NCOA1: variants seen among roughly 807,000 people sequenced by gnomAD.
NCOA1 encodes the protein nuclear receptor coactivator 1.
In NCOA1, 35 loss-of-function variants were observed where a neutral mutation model predicts 150.9. The ratio of observed to expected loss-of-function variants is 0.23; its 90% CI spans 0.18 to 0.31. The LOEUF (loss-of-function observed/expected upper bound fraction) is 0.31. Among genes scored for constraint, NCOA1 ranks in the 10% least tolerant of loss-of-function variants. The probability of loss-of-function intolerance (pLI) is 1.00; values close to 1 mark genes in which losing one functional copy is unlikely to be tolerated. For synonymous variants in NCOA1, 590 were observed against 630.0 expected, an observed-to-expected ratio of 0.94 and a Z score of 0.95; for missense variants, 1,491 against 1,749.3, an observed-to-expected ratio of 0.85 and a Z score of 2.63.
intron 15 of NCOA1, 65 bp from the exon 16 acceptor site, chr2:24,728,243 A>G (rs551889269): frequency 1.3e-4 from 184 of 1,433,312 alleles, no homozygotes; most frequent in Non-Finnish European, 1.6e-4. Flanking sequence ...CTATATATGT[A>G]TATAAAGATT....
In NCOA1 at chr2:24,727,080, G is replaced by T. The variant is rs918233406; in HGVS notation, c.2717+374G>T. On this transcript the variant is annotated intron_variant, in intron 15 of 22. Coordinates refer to ENST00000348332, the MANE Select transcript of NCOA1 (RefSeq NM_003743.5). The stretch of plus-strand genomic sequence containing the variant: ...TTGAACCCAGGAGGTGGAGGTTGCA[G>T]TGAGCCAAGATTGCGCCATTGCACT... Among the ~76,000 whole-genome samples, 11 of 147,538 alleles carry T rather than the reference G, an allele frequency of 7.5e-5. No individual in the cohort carries two copies. The East Asian group carries it at 2.3e-3, about 31-fold the overall frequency.
chr2:24,612,163 T>A (rs1333406793), intron 3 of NCOA1, among the ~76,000 whole-genome samples: 1 of 152,202 alleles, frequency 6.6e-6, no homozygotes, highest in East Asian at 1.9e-4. Flanking sequence ...ATTTCTTCTT[T>A]GCTTATGAAG....
intron 3 of NCOA1, among the ~76,000 whole-genome samples, chr2:24,622,155 G>A (rs567600231): frequency 2.0e-5 from 3 of 152,314 alleles, no homozygotes; most frequent in East Asian, 3.9e-4. Context: ...TAGTATACAG[G>A]AATTTGACCT....
At chr2:24,674,151 G>GTGTGTGTGTATA (rs141963010) in intron 7 of NCOA1, among the ~76,000 whole-genome samples, 9 of 145,172 alleles carry the variant, frequency 6.2e-5, no homozygotes, top group Non-Finnish European at 8.9e-5. Flanking sequence ...GTGTGTGTGT[G>GTGTGTGTGTATA]TATATATTTC....
At chr2:24,553,394 T>A (rs997202033) in intron 1 of NCOA1, among the ~76,000 whole-genome samples, 13 of 152,102 alleles carry the variant, frequency 8.5e-5, no homozygotes, top group African/African-American at 3.1e-4. Context: ...AATTTTTGTA[T>A]TTTTAGTAGA....
intron 3 of NCOA1, among the ~76,000 whole-genome samples, chr2:24,603,347 G>C (rs1269564014): frequency 6.6e-6 from 1 of 152,146 alleles, no homozygotes; most frequent in African/African-American, 2.4e-5. Context: ...GAATGCTTGT[G>C]GCAATTTCTT....
chr2:24,534,362 A>T (rs1243694675), intron 1 of NCOA1, among the ~76,000 whole-genome samples: 21 of 149,958 alleles, frequency 1.4e-4, no homozygotes, highest in African/African-American at 4.4e-4. Context: ...TTGCTAGAGG[A>T]CTATCAATTT....
chr2:24,574,788 C>CCCCCTTCCA (rs1185204027), intron 2 of NCOA1, among the ~76,000 whole-genome samples: 7 of 151,976 alleles, frequency 4.6e-5, no homozygotes, highest in Non-Finnish European at 1.0e-4. Flanking sequence ...GACAGGTTCC[C>CCCCCTTCCA]CCCCTTCCAA....
rs75215073 is a variant in NCOA1 at position 24,538,426 on chromosome 2, A to G, written c.-395-25869A>G. On this transcript the variant is annotated intron_variant, in intron 1 of 22. Coordinates refer to ENST00000348332, the MANE Select transcript of NCOA1 (RefSeq NM_003743.5). ...CAATAGAGTAAGTCATTGAAATTGA[A>G]TGAACTTTTGTAACGGGAATCAGAA... Among the ~76,000 whole-genome samples the G allele has an allele frequency of 8.4e-3, 1,277 of 152,328 alleles. 15 individuals are homozygous for G. Among genetic ancestry groups the G allele is most frequent in the African/African-American group, 0.029 (1,213 of 41,572 alleles).
intron 1 of NCOA1, among the ~76,000 whole-genome samples, chr2:24,524,834 T>C (rs932977466): frequency 6.6e-6 from 1 of 152,120 alleles, no homozygotes; most frequent in African/African-American, 2.4e-5. Context: ...GGTCTTGAAC[T>C]CCCAACCTCA....
rs70947837 is a variant in NCOA1, at chr2:24,690,651, C to CAAAAAAAAAAAAAAA, written c.533-817_533-803dup. ...TGGGTGACAAAGTGAGATTCCATCT[C>CAAAAAAAAAAAAAAA]AAAAAAAAAAAAAAAAAAAAAAAAA... On this transcript the variant is annotated intron_variant, in intron 8 of 22. Coordinates refer to ENST00000348332, the MANE Select transcript of NCOA1 (RefSeq NM_003743.5). Among the ~76,000 whole-genome samples the CAAAAAAAAAAAAAAA allele has an allele frequency of 4.2e-4, 16 of 38,440 alleles. 1 individual carries two copies. Among genetic ancestry groups the CAAAAAAAAAAAAAAA allele is most frequent in the Non-Finnish European group, 5.8e-4 (14 of 23,998 alleles). The allele number at this position is 38,440 out of a possible 152,430, so 25.2% of individuals were successfully genotyped here.
At chr2:24,578,111 A>G (rs1025004305) in intron 2 of NCOA1, among the ~76,000 whole-genome samples, 1 of 152,128 alleles carries the variant, frequency 6.6e-6, no homozygotes, top group African/African-American at 2.4e-5. Context: ...TGATACTTCT[A>G]GTTTCAGAAA....
intron 1 of NCOA1, among the ~76,000 whole-genome samples, chr2:24,547,689 T>TA (rs61155885): frequency 0.57 from 86,196 of 151,408 alleles, 25,146 homozygotes; most frequent in Admixed American, 0.7. Flanking sequence ...ATGAGATTGT[T>TA]AAAAAAAAGG....
At chr2:24,740,961 C>G (rs1663571390) in intron 18 of NCOA1, among the ~76,000 whole-genome samples, 1 of 152,162 alleles carries the variant, frequency 6.6e-6, no homozygotes, top group Non-Finnish European at 1.5e-5. Context: ...CCACTTCTTT[C>G]CTCATCCATA....
At chr2:24,522,873 A>C (rs1664474284) in intron 1 of NCOA1, among the ~76,000 whole-genome samples, 1 of 152,206 alleles carries the variant, frequency 6.6e-6, no homozygotes, top group South Asian at 2.1e-4. Flanking sequence ...CATTTGTCTT[A>C]AAGTTTGTAG....
intron 3 of NCOA1, among the ~76,000 whole-genome samples, chr2:24,604,614 C>T (rs1367380319): frequency 6.6e-6 from 1 of 152,210 alleles, no homozygotes; most frequent in African/African-American, 2.4e-5. Context: ...CTTCATCTCG[C>T]TGTCTTCATA....
At chr2:24,579,732 A>G (rs956406343) in intron 2 of NCOA1, among the ~76,000 whole-genome samples, 1 of 152,170 alleles carries the variant, frequency 6.6e-6, no homozygotes, top group African/African-American at 2.4e-5. Context: ...TCATGGTGCT[A>G]GAGATAGAGG....
intron 3 of NCOA1, among the ~76,000 whole-genome samples, chr2:24,598,240 A>G (rs966417312): frequency 6.6e-6 from 1 of 152,176 alleles, no homozygotes; most frequent in Non-Finnish European, 1.5e-5. Context: ...CATAAAATTA[A>G]CCAATTAAGT....
intron 7 of NCOA1, among the ~76,000 whole-genome samples, chr2:24,677,511 C>T (rs1364995042): frequency 6.6e-6 from 1 of 152,182 alleles, no homozygotes; most frequent in Non-Finnish European, 1.5e-5. Flanking sequence ...GTAACCTCCA[C>T]CTCTTGGGTT....
Sources: allele counts gnomAD v4.1 joint callset (sites outside exome capture counted in the v4.1 genomes callset), GRCh38; gene constraint gnomAD v4.1.1; transcripts MANE v1.5; gene names NCBI Gene and HGNC (gene_info 2026-07-23, HGNC 2026-07-21).